The following LRRK1 variants were observed in gnomAD, a reference collection of about 807,000 sequenced individuals.
The protein encoded by LRRK1 is leucine-rich repeat serine/threonine-protein kinase 1.
In LRRK1, 113 loss-of-function variants were observed where a neutral mutation model predicts 209.1. The ratio of observed to expected loss-of-function variants is 0.54; its 90% confidence interval spans 0.46 to 0.63. The LOEUF (loss-of-function observed/expected upper bound fraction) is 0.63. LRRK1 is among the 30% of genes least tolerant of loss of function. The probability of loss-of-function intolerance (pLI) is 0.00; values close to 1 mark genes in which losing one functional copy is unlikely to be tolerated. For missense variants in LRRK1, 2,284 were observed against 2,632.2 expected, an observed-to-expected ratio of 0.87 and a Z score of 2.89; for synonymous variants, 1,144 against 1,099.7, an observed-to-expected ratio of 1.04 and a Z score of -0.80.
At chr15:100,995,142 C>T (rs2032343518) in intron 6 of LRRK1, among the ~76,000 whole-genome samples, 1 of 152,130 alleles carries the variant, frequency 6.6e-6, no homozygotes, top group African/African-American at 2.4e-5. Context: ...TCACGGGCCA[C>T]GCGATGATGT....
intron 33 of LRRK1, chr15:101,067,157 C>G (rs1306300455): frequency 7.1e-6 from 3 of 425,026 alleles, no homozygotes; most frequent in Non-Finnish European, 1.4e-5. Context: ...CACACCTTGT[C>G]ATCTCCAAGC....
In LRRK1 at chr15:101,073,048, C is replaced by T. The variant is rs1310642686; in HGVS notation, c.*4200C>T. ...CCACCTACAACCTCAAGTCCTCAGA[C>T]CAACCAGCCCAAGAAACATCTCACC... On this transcript the variant is annotated 3_prime_UTR_variant, in exon 34 of 34. Coordinates refer to ENST00000388948, the MANE Select transcript of LRRK1 (RefSeq NM_024652.6). 3 of 193,632 alleles carry T rather than the reference C, an allele frequency of 1.5e-5. No homozygotes were observed. Among genetic ancestry groups the T allele is most frequent in the African/African-American group, 7.1e-5 (3 of 41,978 alleles). The allele number at this position is 193,632 out of a possible 1,614,324, so 12.0% of individuals were successfully genotyped here.
chr15:101,029,357 C>T (rs986731245), intron 20 of LRRK1, 125 bp downstream of exon 20: 39 of 1,022,226 alleles, frequency 3.8e-5, no homozygotes, highest in South Asian at 1.9e-4. Flanking sequence ...CTGCCCCCTA[C>T]GGACAGGCCA....
intron 20 of LRRK1, among the ~76,000 whole-genome samples, chr15:101,037,678 G>A (rs2034548249): frequency 6.6e-6 from 1 of 152,136 alleles, no homozygotes; most frequent in Non-Finnish European, 1.5e-5. Context: ...CTTTAAGGTG[G>A]TAGCCTATGC....
chr15:100,976,518 G>C (rs919190031), intron 3 of LRRK1, among the ~76,000 whole-genome samples: 2 of 152,200 alleles, frequency 1.3e-5, no homozygotes, highest in East Asian at 1.9e-4. Context: ...CTTAAAGTTT[G>C]ATAAAAATCA....
chr15:101,012,178 G>C, intron 10 of LRRK1, 33 bp downstream of exon 10: 1 of 1,563,920 alleles, frequency 6.4e-7, no homozygotes, highest in South Asian at 1.2e-5. Flanking sequence ...TCTCATTTTC[G>C]GCTTTTGAGA....
intron 2 of LRRK1, among the ~76,000 whole-genome samples, chr15:100,946,637 G>A (rs990521211): frequency 2.6e-5 from 4 of 152,150 alleles, no homozygotes; most frequent in Admixed American, 1.3e-4. Flanking sequence ...GCATTTGGGC[G>A]ATTCCTAATA....
At position 101,073,921 on chromosome 15, in the gene LRRK1, G is replaced by A. The variant is rs964129853; in HGVS notation, c.*5073G>A. 6.6e-6 allele frequency: 1 copy of A among 152,046 alleles called. No homozygotes were observed. The highest frequency in any genetic ancestry group is 6.6e-5 in the Admixed American group (1 of 15,256). The allele number at this position is 152,046 out of a possible 1,614,324, so 9.4% of individuals were successfully genotyped here. On this transcript the variant is annotated 3_prime_UTR_variant, in exon 34 of 34. Coordinates refer to ENST00000388948, the MANE Select transcript of LRRK1 (RefSeq NM_024652.6). ...CTTATTTTCTTCTGCAATGCCGCTT[G>A]ACCCCAATACAAACTCAACAGTAGT...
chr15:100,923,458 A>G (rs2042053930), intron 1 of LRRK1, among the ~76,000 whole-genome samples: 1 of 152,264 alleles, frequency 6.6e-6, no homozygotes, highest in Admixed American at 6.5e-5. Flanking sequence ...GAGAGAACAC[A>G]GACAAGAGGT....
intron 22 of LRRK1, among the ~76,000 whole-genome samples, chr15:101,049,204 A>C (rs1419522832): frequency 6.6e-6 from 1 of 152,228 alleles, no homozygotes. Context: ...TTTACAATGA[A>C]CTTTGCAAAA....
chr15:100,959,102 T>G (rs570888320), intron 2 of LRRK1, among the ~76,000 whole-genome samples: 10 of 152,308 alleles, frequency 6.6e-5, no homozygotes, highest in Admixed American at 6.5e-4. Flanking sequence ...AGAAAATCAT[T>G]CTTGGAAAGG....
chr15:101,062,496 C>T, intron 30 of LRRK1, 78 bp from the exon 31 acceptor site: 1 of 987,590 alleles, frequency 1.0e-6, no homozygotes, highest in Non-Finnish European at 1.6e-6. Context: ...AGTCCAAGTG[C>T]ATCCTCATGG....
rs200770615 is a variant in LRRK1 at position 101,022,400 on chromosome 15, T to A, written c.1870T>A (p.Ser624Thr). 63 of 1,614,238 alleles carry A rather than the reference T, an allele frequency of 3.9e-5. No homozygotes were observed. The Middle Eastern group carries it at 6.6e-4, about 17-fold the overall frequency. ...TTGCACAGGCCCCAAAGCAATGCTGTCTTACCTGCGTGCTCAGCTGCGGAA... is the reference window on the plus strand; with the variant it reads ...TTGCACAGGCCCCAAAGCAATGCTGACTTACCTGCGTGCTCAGCTGCGGAA... ...IQKEGPKAML[S>T]YLRAQLRKAE... The change falls in exon 15 of 34, where the codon TCT (serine) becomes ACT (threonine). Residue 624 changes from serine to threonine, a missense_variant. Around this residue, in one of 6 missense-constraint regions of LRRK1, gnomAD observed 494 missense variants for 522.1 expected, o/e 0.95. Coordinates refer to ENST00000388948, the MANE Select transcript of LRRK1 (RefSeq NM_024652.6). The surrounding 1 kb of genome is among the most constrained non-coding windows in gnomAD (Gnocchi z 4.0).
chr15:100,985,032 A>G (rs1339260785), intron 4 of LRRK1, among the ~76,000 whole-genome samples: 2 of 152,188 alleles, frequency 1.3e-5, no homozygotes, highest in East Asian at 1.9e-4. Context: ...CATTCTTTTC[A>G]TTTTGCATTG....
At chr15:101,009,215 C>T (rs1007246378) in intron 7 of LRRK1, 152 bp downstream of exon 7, 4 of 650,924 alleles carry the variant, frequency 6.1e-6, no homozygotes, top group Non-Finnish European at 8.0e-6. Flanking sequence ...AGGCAAGCCT[C>T]CCTTTCAGGT....
chr15:101,028,483 C>T (rs2034142478), intron 19 of LRRK1, among the ~76,000 whole-genome samples: 1 of 152,168 alleles, frequency 6.6e-6, no homozygotes, highest in Non-Finnish European at 1.5e-5. Context: ...ACAAAAAGCA[C>T]AAAAATTCAA....
Position 100,973,797 on chromosome 15 carries a change from C to T in LRRK1, c.98-7C>T, listed in dbSNP as rs1432990947. The T allele has an allele frequency of 1.6e-6, 2 of 1,282,318 alleles. No homozygotes were observed. The highest frequency in any genetic ancestry group is 2.0e-6 in the Non-Finnish European group (2 of 1,012,100). 79.4% of individuals were successfully genotyped at this position (1,282,318 alleles called of 1,614,324 possible). A position where few individuals can be genotyped will look rare whatever the true frequency, so the allele number is the denominator to read the frequency against. On this transcript the variant is annotated splice_region_variant and splice_polypyrimidine_tract_variant and intron_variant, in intron 2 of 33. Transcript: ENST00000388948. ...GACGCCGTGTGTGTGTGCTTCCTCCCGCGCAGGTGCCGGGGACACGGGCGG... is the reference window on the plus strand; with the variant it reads ...GACGCCGTGTGTGTGTGCTTCCTCCTGCGCAGGTGCCGGGGACACGGGCGG...
In LRRK1 at chr15:101,012,042, G is replaced by T. The variant is rs1476877345; in HGVS notation, c.1316G>T (p.Cys439Phe). 1.2e-6 allele frequency: 2 copies of T among 1,609,624 alleles called. No homozygotes were observed. The highest frequency in any genetic ancestry group is 2.2e-5 in the South Asian group (2 of 89,750). The part of the protein sequence containing the change: ...CCKASRNALE[C>F]LPDKMAVFWK... ...AAAGCTTCCAGAAATGCCCTGGAAT[G>T]TCTGCCAGACAAAATGGCTGTCTTT... Residue 439 changes from cysteine (C) to phenylalanine (F), a missense_variant, in exon 10 of 34, where the codon TGT becomes TTT. Transcript: ENST00000388948.
chr15:100,965,709 A>C (rs1321907500), intron 2 of LRRK1, among the ~76,000 whole-genome samples: 1 of 152,088 alleles, frequency 6.6e-6, no homozygotes, highest in Non-Finnish European at 1.5e-5. Flanking sequence ...GAAAAAAAAA[A>C]TCTCCCTGGT....
Sources: allele counts gnomAD v4.1 joint callset (sites outside exome capture counted in the v4.1 genomes callset), GRCh38; gene constraint gnomAD v4.1.1; regional missense constraint gnomAD v4.1.1; non-coding constraint Gnocchi (gnomAD v3.1); transcripts MANE v1.5; gene names NCBI Gene and HGNC (gene_info 2026-07-23, HGNC 2026-07-21).